The following HDAC9 variants were observed in gnomAD, a reference collection of about 807,000 sequenced individuals.
HDAC9 encodes the protein MEF-2 interacting transcription repressor (MITR) protein.
In HDAC9, 41 loss-of-function variants were observed where a neutral mutation model predicts 139.4. The ratio of observed to expected loss-of-function variants is 0.29; its 90% CI spans 0.23 to 0.38. The LOEUF (loss-of-function observed/expected upper bound fraction) is 0.38. Ranked by LOEUF, HDAC9 falls within the 10% of genes least tolerant of loss-of-function variation. The probability of loss-of-function intolerance (pLI) is 1.00; values close to 1 mark genes in which losing one functional copy is unlikely to be tolerated. For missense variants in HDAC9, 1,147 were observed against 1,297.0 expected (o/e 0.88, Z 1.78); for synonymous variants, 517 against 476.2 (o/e 1.09, Z -1.12).
At chr7:18,640,234 C>T (rs989975307) in intron 8 of HDAC9, among the ~76,000 whole-genome samples, 1 of 149,302 alleles carries the variant, frequency 6.7e-6, no homozygotes, top group African/African-American at 2.5e-5. Context: ...CCTGTCTCTA[C>T]AGGGAGAAAA....
At chr7:18,617,174 C>A (rs973493407) in intron 6 of HDAC9, among the ~76,000 whole-genome samples, 1 of 152,116 alleles carries the variant, frequency 6.6e-6, no homozygotes, top group African/African-American at 2.4e-5. Flanking sequence ...CAGTTATTAA[C>A]CACTGATTCC....
intron 1 of HDAC9, among the ~76,000 whole-genome samples, chr7:18,303,230 T>A (rs1204159950): frequency 6.6e-6 from 1 of 152,150 alleles, no homozygotes; most frequent in Non-Finnish European, 1.5e-5. Context: ...AGACTCTTTT[T>A]TTTTTGAGAC....
At chr7:18,833,404 G>T (rs1796001290) in intron 19 of HDAC9, among the ~76,000 whole-genome samples, 1 of 152,130 alleles carries the variant, frequency 6.6e-6, no homozygotes, top group Non-Finnish European at 1.5e-5. Context: ...TTCAAATTGT[G>T]GATGCATTTA....
chr7:18,986,974 G>C (rs529773248), intron 25 of HDAC9, among the ~76,000 whole-genome samples: 476 of 152,164 alleles, frequency 3.1e-3, no homozygotes, highest in Non-Finnish European at 5.0e-3. Context: ...TGGGCTGAGA[G>C]AATGGGGTTT....
At chr7:18,597,147 A>T (rs1832725949) in intron 6 of HDAC9, among the ~76,000 whole-genome samples, 1 of 152,156 alleles carries the variant, frequency 6.6e-6, no homozygotes, top group Non-Finnish European at 1.5e-5. Flanking sequence ...TTTTAGAAAC[A>T]TGGAATTATA....
At chr7:18,417,821 G>A (rs1789224617) in intron 1 of HDAC9, among the ~76,000 whole-genome samples, 1 of 152,074 alleles carries the variant, frequency 6.6e-6, no homozygotes, top group Non-Finnish European at 1.5e-5. Flanking sequence ...ATACATATAT[G>A]TATTAATTTG....
chr7:18,166,781 G>C (rs1042424158), intron 2 of HDAC9, among the ~76,000 whole-genome samples: 10 of 152,072 alleles, frequency 6.6e-5, no homozygotes, highest in African/African-American at 2.2e-4. Flanking sequence ...ACCCACAGTG[G>C]TGCCATTTAG....
chr7:18,288,722 T>A (rs983783865), upstream of HDAC9, among the ~76,000 whole-genome samples: 8 of 152,188 alleles, frequency 5.3e-5, no homozygotes, highest in African/African-American at 1.9e-4. Context: ...AGCAGCTTAA[T>A]GCTCTAGGTG....
intron 22 of HDAC9, among the ~76,000 whole-genome samples, chr7:18,917,250 A>C (rs953837074): frequency 1.3e-5 from 2 of 151,888 alleles, no homozygotes; most frequent in Admixed American, 6.6e-5. Context: ...CATGAGGGAG[A>C]ACTCAGGATC....
intron 1 of HDAC9, among the ~76,000 whole-genome samples, chr7:18,292,773 G>C (rs55744175): frequency 3.9e-5 from 6 of 152,042 alleles, no homozygotes; most frequent in African/African-American, 1.4e-4. Flanking sequence ...ACATTGATGC[G>C]CTGCAGAAAT....
intron 1 of HDAC9, among the ~76,000 whole-genome samples, chr7:18,365,914 C>T (rs1784141433): frequency 6.6e-6 from 1 of 150,554 alleles, no homozygotes; most frequent in South Asian, 2.1e-4. Flanking sequence ...ATGAATTCTT[C>T]TGCTGGTTAC....
chr7:18,831,547 A>G (rs75570863), intron 19 of HDAC9, among the ~76,000 whole-genome samples: 1,535 of 152,224 alleles, frequency 0.01, 13 homozygotes, highest in Non-Finnish European at 0.015. Flanking sequence ...TTTTGTTTCA[A>G]ATTATCTAAA....
At chr7:18,520,133 A>G (rs1804558552) in intron 2 of HDAC9, among the ~76,000 whole-genome samples, 1 of 152,152 alleles carries the variant, frequency 6.6e-6, no homozygotes, top group Non-Finnish European at 1.5e-5. Flanking sequence ...TTTTTATATC[A>G]GTATGTTTAT....
intron 2 of HDAC9, among the ~76,000 whole-genome samples, chr7:18,218,853 A>G (rs1359223750): frequency 1.3e-5 from 2 of 152,154 alleles, no homozygotes; most frequent in African/African-American, 4.8e-5. Context: ...ACTATTATAA[A>G]TTATAATATT....
At chr7:18,563,349 T>C (rs1203455825) in intron 2 of HDAC9, among the ~76,000 whole-genome samples, 1 of 152,160 alleles carries the variant, frequency 6.6e-6, no homozygotes. Context: ...CCATCCTGTG[T>C]TAAGCATTTG....
At chr7:18,279,519 G>T (rs142504749) in intron 2 of HDAC9, among the ~76,000 whole-genome samples, 1 of 151,502 alleles carries the variant, frequency 6.6e-6, no homozygotes, top group Admixed American at 6.6e-5. Flanking sequence ...GCTGGAGTGC[G>T]CAGTGGCGTG....
chr7:18,319,920 G>A (rs1585156900), intron 1 of HDAC9, among the ~76,000 whole-genome samples: 1 of 152,182 alleles, frequency 6.6e-6, no homozygotes, highest in South Asian at 2.1e-4. Context: ...TTCACATATA[G>A]AATCTATTTT....
At chr7:18,296,719 T>A (rs1251497497) in intron 1 of HDAC9, among the ~76,000 whole-genome samples, 1 of 152,128 alleles carries the variant, frequency 6.6e-6, no homozygotes, top group Non-Finnish European at 1.5e-5. Flanking sequence ...ATTTGAGAAA[T>A]GCAGACACAT....
chr7:18,681,730 C>G (rs528070273), intron 12 of HDAC9, among the ~76,000 whole-genome samples: 1 of 152,128 alleles, frequency 6.6e-6, no homozygotes, highest in Non-Finnish European at 1.5e-5. Context: ...TGCCCATGGA[C>G]TTAATCCTGC....
Sources: gnomAD v4.1 joint callset for allele counts (sites outside exome capture counted in the v4.1 genomes callset) on GRCh38, gnomAD v4.1.1 for gene constraint, MANE v1.5 for transcripts, NCBI Gene and HGNC (gene_info 2026-07-23, HGNC 2026-07-21) for gene names.